The following DOCK8 variants were observed in gnomAD, a reference collection of about 807,000 sequenced individuals.
DOCK8 encodes dedicator of cytokinesis protein 8.
A neutral mutation model predicts 245.6 loss-of-function variants in DOCK8; 141 were observed. That is an observed-to-expected ratio of 0.57 (90% CI 0.50 to 0.66). DOCK8 has a LOEUF of 0.66. DOCK8 is among the 30% of genes least tolerant of loss of function. The pLI is 0.00. For synonymous variants in DOCK8, 1,168 were observed against 970.2 expected (o/e 1.20, Z -3.79); for missense variants, 2,965 against 2,603.4 (o/e 1.14, Z -3.02).
At chr9:421,818 C>T (rs2056290726) in intron 32 of DOCK8, among the ~76,000 whole-genome samples, 1 of 152,150 alleles carries the variant, frequency 6.6e-6, no homozygotes, top group South Asian at 2.1e-4. Flanking sequence ...AAATGTCTCT[C>T]TGACACTCAG....
intron 16 of DOCK8, among the ~76,000 whole-genome samples, chr9:370,594 C>G (rs550325445): frequency 7.2e-5 from 11 of 152,208 alleles, no homozygotes; most frequent in Non-Finnish European, 1.5e-4. Context: ...AACACATTTC[C>G]TAACTTGCTT....
chr9:381,726 A>G (rs551746272), intron 21 of DOCK8, among the ~76,000 whole-genome samples: 36 of 152,278 alleles, frequency 2.4e-4, no homozygotes, highest in African/African-American at 8.7e-4. Flanking sequence ...TTGGGAGGCC[A>G]AGGTGAGCAG....
intron 22 of DOCK8, among the ~76,000 whole-genome samples, chr9:383,987 TA>T (rs2053838700): frequency 6.6e-6 from 1 of 152,310 alleles, no homozygotes; most frequent in South Asian, 2.1e-4. Context: ...AGTTCATCTT[TA>T]TTCACACCTT....
chr9:301,373 A>G (rs2049537394), intron 4 of DOCK8, among the ~76,000 whole-genome samples: 2 of 152,326 alleles, frequency 1.3e-5, no homozygotes, highest in East Asian at 1.9e-4. Flanking sequence ...TTATTCAACT[A>G]TCCACAGCCA....
chr9:309,522 T>C (rs975740261), intron 5 of DOCK8, among the ~76,000 whole-genome samples: 6 of 152,214 alleles, frequency 3.9e-5, no homozygotes, highest in African/African-American at 1.4e-4. Flanking sequence ...AGTTATACAT[T>C]TTTTGCTGAG....
At chr9:389,837 A>G (rs2054108219) in intron 23 of DOCK8, among the ~76,000 whole-genome samples, 1 of 151,716 alleles carries the variant, frequency 6.6e-6, no homozygotes, top group Admixed American at 6.6e-5. Flanking sequence ...CAGCATGGCG[A>G]AACCCCATCT....
chr9:315,736 T>C (rs12237955), intron 6 of DOCK8, among the ~76,000 whole-genome samples: 34,654 of 152,082 alleles, frequency 0.23, 3,969 homozygotes, highest in Admixed American at 0.26. Context: ...GATGGGTGAA[T>C]GGTTCTTCAT....
intron 1 of DOCK8, among the ~76,000 whole-genome samples, chr9:267,520 A>T (rs534708303): frequency 1.1e-4 from 17 of 152,276 alleles, no homozygotes; most frequent in East Asian, 3.9e-4. Context: ...GGATTTTTTT[A>T]AAATTATGAA....
intron 14 of DOCK8, among the ~76,000 whole-genome samples, chr9:346,310 C>G (rs2051883572): frequency 6.6e-6 from 1 of 152,010 alleles, no homozygotes; most frequent in Non-Finnish European, 1.5e-5. Context: ...ACAGCTGGTA[C>G]TAGAGACACC....
intron 1 of DOCK8, among the ~76,000 whole-genome samples, chr9:264,442 C>T (rs1364305351): frequency 6.6e-6 from 1 of 152,180 alleles, no homozygotes; most frequent in Non-Finnish European, 1.5e-5. Context: ...CATGTTTCCA[C>T]CTGTTGAATC....
At chr9:322,525 C>G (rs913251073) in intron 7 of DOCK8, among the ~76,000 whole-genome samples, 1 of 152,228 alleles carries the variant, frequency 6.6e-6, no homozygotes, top group Non-Finnish European at 1.5e-5. Flanking sequence ...TCCCTGGGAA[C>G]CTTGCTTTCC....
At chr9:462,324 A>G (rs2057830576) in intron 46 of DOCK8, among the ~76,000 whole-genome samples, 1 of 152,196 alleles carries the variant, frequency 6.6e-6, no homozygotes, top group South Asian at 2.1e-4. Context: ...GTACATTTGT[A>G]ACTTATACTA....
intron 4 of DOCK8, among the ~76,000 whole-genome samples, chr9:303,735 C>T (rs910718578): frequency 6.6e-6 from 1 of 152,134 alleles, no homozygotes; most frequent in African/African-American, 2.4e-5. Flanking sequence ...TACATCAAAC[C>T]TAAGTGACAT....
chr9:330,291 T>A (rs73639051), intron 9 of DOCK8, among the ~76,000 whole-genome samples: 39,360 of 152,044 alleles, frequency 0.26, 5,431 homozygotes, highest in African/African-American at 0.35. Flanking sequence ...GTTTAAAAAT[T>A]GGTATGCCGT....
In DOCK8 at chr9:332,471, G is replaced by A. The variant is rs2051060236; in HGVS notation, c.1118G>A (p.Gly373Asp). The change falls in exon 10 of 48, where the codon GGT becomes GAT. Residue 373 changes from glycine (G) to aspartate (D), a missense_variant. Physicochemically the swap from Gly to Asp is moderately conservative, Grantham distance 94 (BLOSUM62 -1). Around this residue, in one of 3 missense-constraint regions of DOCK8, gnomAD observed 2,825 missense variants for 2,453.5 expected, o/e 1.15. Coordinates refer to ENST00000432829, the MANE Select transcript of DOCK8 (RefSeq NM_203447.4). Reference protein sequence around the residue: ...EPYTVIKESDGGKSKEKIEKL... With the variant: ...EPYTVIKESDDGKSKEKIEKL... ...TACACGGTTATCAAAGAAAGTGATGGTGGAAAGGTATGGTAATTTGAGTGT... is the reference window on the plus strand; with the variant it reads ...TACACGGTTATCAAAGAAAGTGATGATGGAAAGGTATGGTAATTTGAGTGT... The A allele has an allele frequency of 1.2e-6, 2 of 1,610,666 alleles. No homozygotes were observed. Among genetic ancestry groups the A allele is most frequent in the African/African-American group, 1.3e-5 (1 of 74,948 alleles).
chr9:365,006 A>C (rs932640229), intron 14 of DOCK8, among the ~76,000 whole-genome samples: 2 of 152,324 alleles, frequency 1.3e-5, no homozygotes, highest in Non-Finnish European at 2.9e-5. Context: ...AACAGAAGGC[A>C]CGAAGGAAGG....
intron 28 of DOCK8, among the ~76,000 whole-genome samples, chr9:410,761 C>T (rs145637660): frequency 9.4e-4 from 143 of 152,192 alleles, no homozygotes; most frequent in African/African-American, 3.3e-3. Flanking sequence ...AAAACAATCA[C>T]GGAAATCCGC....
At chr9:324,411 A>G (rs1274102207) in intron 7 of DOCK8, among the ~76,000 whole-genome samples, 1 of 152,140 alleles carries the variant, frequency 6.6e-6, no homozygotes, top group Non-Finnish European at 1.5e-5. Context: ...TGCAGGTAAC[A>G]TCCAAAGCCA....
Position 422,123 on chromosome 9 carries a change from A to G in DOCK8, c.4229A>G (p.Glu1410Gly), listed in dbSNP as rs1260634555. ...KEQTHWRQANEKLDKTKAELD... is the reference protein window; with the variant it reads ...KEQTHWRQANGKLDKTKAELD... ...CAGACACATTGGCGGCAAGCTAATG[A>G]GAAGCTAGATAAGTGAGTCACTCGG... Residue 1410 changes from glutamate to glycine, a missense_variant, in exon 33 of 48, where the codon GAG becomes GGG. By Grantham distance (98) the Glu-to-Gly change is moderately conservative (BLOSUM62 -2). Coordinates refer to ENST00000432829, the MANE Select transcript of DOCK8 (RefSeq NM_203447.4). The G allele has an allele frequency of 6.2e-7, 1 of 1,614,056 alleles. No homozygotes were observed.
Sources: allele counts gnomAD v4.1 joint callset (sites outside exome capture counted in the v4.1 genomes callset), GRCh38; gene constraint gnomAD v4.1.1; regional missense constraint gnomAD v4.1.1; transcripts MANE v1.5; gene names NCBI Gene and HGNC (gene_info 2026-07-23, HGNC 2026-07-21).